ST3GAL4: variants seen among roughly 807,000 people sequenced by gnomAD.
The protein encoded by ST3GAL4 is ST3 beta-galactoside alpha-2,3-sialyltransferase 4.
ST3GAL4 carries 24 observed loss-of-function variants against 42.6 expected under a neutral mutation model. The ratio of observed to expected loss-of-function variants is 0.56; its 90% CI spans 0.41 to 0.79. The LOEUF (loss-of-function observed/expected upper bound fraction) is 0.79. Ranked by LOEUF, ST3GAL4 falls within the 30% of genes least tolerant of loss-of-function variation. ST3GAL4 has a pLI of 0.00. For missense variants in ST3GAL4, 311 were observed against 430.8 expected, an observed-to-expected ratio of 0.72 and a Z score of 2.46; for synonymous variants, 135 against 163.2, an observed-to-expected ratio of 0.83 and a Z score of 1.32.
In ST3GAL4 at chr11:126,414,182, GC is replaced by G; in HGVS notation, c.*137del. On this transcript the variant is annotated 3_prime_UTR_variant, in exon 11 of 11. Coordinates refer to ENST00000444328, the MANE Select transcript of ST3GAL4 (RefSeq NM_001254757.2). ...TCTTGGGGAGGGAGTTCTGGGCCTG[GC>G]CAGGTCTGAGATGAGGCCATGCCCC... 1 of 840,690 alleles carries G rather than the reference GC, an allele frequency of 1.2e-6. No individual in the cohort carries two copies. The highest frequency in any genetic ancestry group is 2.0e-6 in the Non-Finnish European group (1 of 507,790). The allele number at this position is 840,690 out of a possible 1,614,324, so 52.1% of individuals were successfully genotyped here.
Position 126,396,947 on chromosome 11 carries a change from A to G in ST3GAL4, c.-60-9149A>G, listed in dbSNP as rs1389369136. Among the ~76,000 whole-genome samples, 1 of 152,174 alleles carries G rather than the reference A, an allele frequency of 6.6e-6. No individual in the cohort carries two copies. Among genetic ancestry groups the G allele is most frequent in the South Asian group, 2.1e-4 (1 of 4,822 alleles). ...GTCCTCAGCATTTGGAAATGTCTGG[A>G]AACACTTTGTCACACCTGAGAAGAG... On this transcript the variant is annotated intron_variant, in intron 1 of 10. Coordinates refer to ENST00000444328, the MANE Select transcript of ST3GAL4 (RefSeq NM_001254757.2). The surrounding 1 kb of genome is among the most constrained non-coding windows in gnomAD (Gnocchi z 5.8).
In ST3GAL4 at chr11:126,406,610, G is replaced by A. The variant is rs1269514599; in HGVS notation, c.101+53G>A. The A allele has an allele frequency of 1.2e-6, 2 of 1,612,984 alleles. No homozygotes were observed. The highest frequency in any genetic ancestry group is 1.7e-6 in the Non-Finnish European group (2 of 1,179,544). On this transcript the variant is annotated intron_variant, in intron 3 of 10. Transcript: ENST00000444328. This position sits in a 1 kb window ranked among gnomAD's most constrained non-coding sequence, Gnocchi z 5.4. ...TGGCTCTTGTCAGGGACAGGGCTTA[G>A]GGATGGAGCATCATGGAGCGGGGGA...
At chr11:126,375,869 C>CTT (rs11443803) in intron 1 of ST3GAL4, among the ~76,000 whole-genome samples, 2,220 of 122,556 alleles carry the variant, frequency 0.018, 53 homozygotes, top group Non-Finnish European at 0.028. Context: ...CCTTTTCTTC[C>CTT]TTTTTTTTTT....
intron 7 of ST3GAL4, 43 bp downstream of exon 7, chr11:126,408,237 T>A: frequency 1.2e-6 from 2 of 1,613,092 alleles, no homozygotes; most frequent in Non-Finnish European, 1.7e-6. Context: ...GGGAACTGGA[T>A]GTCCGAGCCA....
chr11:126,355,873 C>CGCGGGGCGGG lies in ST3GAL4; in HGVS notation c.-61+43_-61+52dup, dbSNP rs571031186. ...TACGCGGCGGCGGTGCGCGGGGGCC[C>CGCGGGGCGGG]GCGGGGCGGGGCGGGGCGGGGAGCC... is the stretch of plus-strand genomic sequence containing the variant. On this transcript the variant is annotated intron_variant, in intron 1 of 10. Coordinates refer to ENST00000444328, the MANE Select transcript of ST3GAL4 (RefSeq NM_001254757.2). The surrounding 1 kb of genome is among the most constrained non-coding windows in gnomAD (Gnocchi z 7.1). 9 of 148,956 alleles carry CGCGGGGCGGG rather than the reference C, an allele frequency of 6.0e-5. No homozygotes were observed. Among genetic ancestry groups the CGCGGGGCGGG allele is most frequent in the Non-Finnish European group, 1.2e-4 (8 of 66,764 alleles). 9.2% of individuals were successfully genotyped at this position (148,956 alleles called of 1,614,324 possible). A position where few individuals can be genotyped will look rare whatever the true frequency, so the allele number is the denominator to read the frequency against.
rs542229496 is a variant in ST3GAL4, at chr11:126,363,693, GCTGA to G, written c.-61+7854_-61+7857del. The stretch of plus-strand genomic sequence containing the variant: ...GGGGCCTCAGGGTCTCCAAAGATGG[GCTGA>G]CTAAGCTTCCCTAGCCTGGGACCTG... On this transcript the variant is annotated intron_variant, in intron 1 of 10. Transcript: ENST00000444328. The surrounding 1 kb of genome is among the most constrained non-coding windows in gnomAD (Gnocchi z 4.6). Among the ~76,000 whole-genome samples, 568 of 152,314 alleles carry G rather than the reference GCTGA, an allele frequency of 3.7e-3. 5 individuals are homozygous for G. Among genetic ancestry groups the G allele is most frequent in the African/African-American group, 0.012 (496 of 41,572 alleles).
rs534233592 is a variant in ST3GAL4, at chr11:126,369,492, C to T, written c.-61+13650C>T. On this transcript the variant is annotated intron_variant, in intron 1 of 10. Coordinates refer to ENST00000444328, the MANE Select transcript of ST3GAL4 (RefSeq NM_001254757.2). Reference sequence around the variant, plus strand: ...CGATCTCCTGACCTCAGGTGATCCGCTCGCCTGGCCTCCCAAAGTGCTGGG... The same window carrying T: ...CGATCTCCTGACCTCAGGTGATCCGTTCGCCTGGCCTCCCAAAGTGCTGGG... 1.2e-4 allele frequency among the ~76,000 whole-genome samples: 19 copies of T among 152,278 alleles called. No individual in the cohort carries two copies. The South Asian group carries it at 3.9e-3, about 32-fold the overall frequency.
chr11:126,368,145 A>G, intron 1 of ST3GAL4, among the ~76,000 whole-genome samples: 1 of 138,994 alleles, frequency 7.2e-6, no homozygotes, highest in African/African-American at 2.7e-5. Flanking sequence ...AGACTGTCTC[A>G]CAAAAAAAAA....
chr11:126,396,179 T>C lies in ST3GAL4; in HGVS notation c.-60-9917T>C, dbSNP rs1953747773. The stretch of plus-strand genomic sequence containing the variant: ...ATGACGTCAAATGCACAGTCCAGCT[T>C]GAGTCCCCTCTAGAACGTGGGCAGC... On this transcript the variant is annotated intron_variant, in intron 1 of 10. Coordinates refer to ENST00000444328, the MANE Select transcript of ST3GAL4 (RefSeq NM_001254757.2). This position sits in a 1 kb window ranked among gnomAD's most constrained non-coding sequence, Gnocchi z 5.8. 6.6e-6 allele frequency among the ~76,000 whole-genome samples: 1 copy of C among 151,910 alleles called. No homozygotes were observed. The highest frequency in any genetic ancestry group is 2.4e-5 in the African/African-American group (1 of 41,260).
Position 126,407,654 on chromosome 11 carries a change from C to G in ST3GAL4, c.341+20C>G, listed in dbSNP as rs1954305834. 2 of 1,613,362 alleles carry G rather than the reference C, an allele frequency of 1.2e-6. No individual in the cohort carries two copies. Among genetic ancestry groups the G allele is most frequent in the Non-Finnish European group, 1.7e-6 (2 of 1,179,692 alleles). On this transcript the variant is annotated intron_variant, in intron 6 of 10. Transcript: ENST00000444328. Reference sequence around the variant, plus strand: ...CCAGAGGTAAGGCGGCACTCCGACTCCAGTCTGGGCACCTTCTCCTATTTC... The same window carrying G: ...CCAGAGGTAAGGCGGCACTCCGACTGCAGTCTGGGCACCTTCTCCTATTTC...
chr11:126,396,675 G>C lies in ST3GAL4; in HGVS notation c.-60-9421G>C, dbSNP rs145089049. Among the ~76,000 whole-genome samples, 3 of 151,342 alleles carry C rather than the reference G, an allele frequency of 2.0e-5. No individual in the cohort carries two copies. Among genetic ancestry groups the C allele is most frequent in the Admixed American group, 2.0e-4 (3 of 15,220 alleles). ...GGCAGGGGTGGACATCCCGGGGATC[G>C]TGGAGTCTAGGGAGCCAGTCTGCAC... On this transcript the variant is annotated intron_variant, in intron 1 of 10. Transcript: ENST00000444328. This position sits in a 1 kb window ranked among gnomAD's most constrained non-coding sequence, Gnocchi z 5.8.
rs1238631222 is a variant in ST3GAL4, at chr11:126,386,645, A to C, written c.-60-19451A>C. ...AAAAGGTGGCTGGAGCCAGCTCTGC[A>C]GAAGCCACACCTGCTCATGAGAAGG... On this transcript the variant is annotated intron_variant, in intron 1 of 10. Transcript: ENST00000444328. The surrounding 1 kb of genome is among the most constrained non-coding windows in gnomAD (Gnocchi z 4.7). Among the ~76,000 whole-genome samples the C allele has an allele frequency of 6.6e-6, 1 of 152,148 alleles. No homozygotes were observed. Among genetic ancestry groups the C allele is most frequent in the Non-Finnish European group, 1.5e-5 (1 of 68,028 alleles).
Position 126,383,402 on chromosome 11 carries a change from A to G in ST3GAL4, c.-60-22694A>G, listed in dbSNP as rs1274225610. ...CAGGAGCCAGAGCTGGGGTGGGAGG[A>G]ACCCACTGGGCCTGAGGGAGGTAGA... On this transcript the variant is annotated intron_variant, in intron 1 of 10. Transcript: ENST00000444328. The surrounding 1 kb of genome is among the most constrained non-coding windows in gnomAD (Gnocchi z 4.5). 1.3e-5 allele frequency among the ~76,000 whole-genome samples: 2 copies of G among 152,086 alleles called. No homozygotes were observed. Among genetic ancestry groups the G allele is most frequent in the South Asian group, 2.1e-4 (1 of 4,826 alleles).
rs1954448928 is a variant in ST3GAL4, at chr11:126,410,026, C to T, written c.771+615C>T. ...CAGGTGATCCTTCTGCCTCAGCCTC[C>T]TGAGTAGCTGTGAGACTACAGGTAT... On this transcript the variant is annotated intron_variant, in intron 9 of 10. Coordinates refer to ENST00000444328, the MANE Select transcript of ST3GAL4 (RefSeq NM_001254757.2). This position sits in a 1 kb window ranked among gnomAD's most constrained non-coding sequence, Gnocchi z 5.3. Among the ~76,000 whole-genome samples the T allele has an allele frequency of 6.6e-6, 1 of 152,126 alleles. No homozygotes were observed. The highest frequency in any genetic ancestry group is 1.5e-5 in the Non-Finnish European group (1 of 68,008).
chr11:126,382,922 T>C (rs2135448253), intron 1 of ST3GAL4, among the ~76,000 whole-genome samples: 1 of 152,326 alleles, frequency 6.6e-6, no homozygotes, highest in East Asian at 1.9e-4. Flanking sequence ...GCGGGGCAGC[T>C]GGAGGAAGGC....
At chr11:126,399,300 TC>T (rs1953908362) in intron 1 of ST3GAL4, among the ~76,000 whole-genome samples, 3 of 82,706 alleles carry the variant, frequency 3.6e-5, no homozygotes, top group Non-Finnish European at 4.6e-5. Context: ...TTTCTTTCCT[TC>T]TTTTTTTTTT....
intron 1 of ST3GAL4, among the ~76,000 whole-genome samples, chr11:126,360,504 A>G (rs552726554): frequency 6.6e-6 from 1 of 152,034 alleles, no homozygotes; most frequent in South Asian, 2.1e-4. Flanking sequence ...GCTAACTGCA[A>G]CCTCCATCTT....
intron 1 of ST3GAL4, among the ~76,000 whole-genome samples, chr11:126,357,115 G>A (rs1952098464): frequency 6.6e-6 from 1 of 152,218 alleles, no homozygotes; most frequent in Non-Finnish European, 1.5e-5. Context: ...CGCTGTTTGG[G>A]GCCTAGAAAT....
At chr11:126,403,909 G>T in intron 1 of ST3GAL4, among the ~76,000 whole-genome samples, 1 of 152,266 alleles carries the variant, frequency 6.6e-6, no homozygotes, top group East Asian at 1.9e-4. Flanking sequence ...GTGCTTTCAG[G>T]TCACCCACAG....
Sources: allele counts gnomAD v4.1 joint callset (sites outside exome capture counted in the v4.1 genomes callset), GRCh38; gene constraint gnomAD v4.1.1; non-coding constraint Gnocchi (gnomAD v3.1); transcripts MANE v1.5; gene names NCBI Gene and HGNC (gene_info 2026-07-23, HGNC 2026-07-21).